Variants in CREB5 observed in about 807,000 individuals in gnomAD.
CREB5 encodes cyclic AMP-responsive element-binding protein 5.
A neutral mutation model predicts 57.1 loss-of-function variants in CREB5; 19 were observed. The observed-to-expected ratio is 0.33, with a 90% CI of 0.23 to 0.49. CREB5 has a LOEUF of 0.49. CREB5 is among the 20% of genes least tolerant of loss of function. The pLI is 0.99. For missense variants in CREB5, 579 were observed against 671.6 expected (o/e 0.86, Z 1.52); for synonymous variants, 238 against 238.3 (o/e 1.00, Z 0.01).
At chr7:28,400,878 C>T (rs966244871) in intron 1 of CREB5, among the ~76,000 whole-genome samples, 1 of 152,136 alleles carries the variant, frequency 6.6e-6, no homozygotes, top group African/African-American at 2.4e-5. Context: ...AATATCAGTT[C>T]ATGTGAGATG....
intron 1 of CREB5, among the ~76,000 whole-genome samples, chr7:28,391,242 G>A (rs547759324): frequency 5.3e-5 from 8 of 152,198 alleles, no homozygotes; most frequent in Non-Finnish European, 1.0e-4. Flanking sequence ...CTTCAGACCT[G>A]TGGTAATAAT....
intron 5 of CREB5, among the ~76,000 whole-genome samples, chr7:28,704,707 T>C (rs542349836): frequency 3.5e-4 from 53 of 152,278 alleles, no homozygotes; most frequent in South Asian, 1.5e-3. Flanking sequence ...TCCTCCCGCC[T>C]CAGCCTCCCA....
At chr7:28,635,284 A>G (rs1023757520) in intron 5 of CREB5, among the ~76,000 whole-genome samples, 2 of 152,168 alleles carry the variant, frequency 1.3e-5, no homozygotes, top group African/African-American at 4.8e-5. Flanking sequence ...CATTTGGCTG[A>G]TAGGTTTTCA....
intron 5 of CREB5, among the ~76,000 whole-genome samples, chr7:28,690,660 T>C (rs1205617245): frequency 6.6e-6 from 1 of 151,914 alleles, no homozygotes; most frequent in Non-Finnish European, 1.5e-5. Flanking sequence ...GGAGATAAGG[T>C]TTTAAGGCCC....
At chr7:28,784,495 T>C (rs75317469) in intron 7 of CREB5, among the ~76,000 whole-genome samples, 4 of 103,932 alleles carry the variant, frequency 3.8e-5, no homozygotes, top group Admixed American at 8.6e-5. Context: ...AGCTATAGGA[T>C]TTTTTTTTCC....
intron 1 of CREB5, among the ~76,000 whole-genome samples, chr7:28,430,170 CATGT>C (rs1385624870): frequency 6.6e-6 from 1 of 152,214 alleles, no homozygotes; most frequent in Non-Finnish European, 1.5e-5. Context: ...ACACATTACA[CATGT>C]ATGTACAGAC....
intron 5 of CREB5, among the ~76,000 whole-genome samples, chr7:28,696,982 T>C (rs902798225): frequency 2.0e-5 from 3 of 151,992 alleles, no homozygotes; most frequent in African/African-American, 7.2e-5. Context: ...TATTTGTGTG[T>C]ATATATACCC....
chr7:28,706,398 G>A (rs971140854), intron 5 of CREB5, among the ~76,000 whole-genome samples: 1 of 152,100 alleles, frequency 6.6e-6, no homozygotes, highest in Admixed American at 6.5e-5. Context: ...CCTTTAGGAT[G>A]TAGGTATCTG....
chr7:28,579,774 T>C (rs1243280896), intron 5 of CREB5, among the ~76,000 whole-genome samples: 1 of 152,208 alleles, frequency 6.6e-6, no homozygotes, highest in Non-Finnish European at 1.5e-5. Context: ...ATAATCATAA[T>C]GATAACTGGA....
At chr7:28,378,000 T>C (rs927654442) in intron 1 of CREB5, among the ~76,000 whole-genome samples, 6 of 151,714 alleles carry the variant, frequency 4.0e-5, no homozygotes, top group African/African-American at 1.5e-4. Context: ...TTAGGGCTAT[T>C]ATCTCTCTTG....
chr7:28,716,158 T>C (rs1235973503), intron 5 of CREB5, among the ~76,000 whole-genome samples: 3 of 152,190 alleles, frequency 2.0e-5, no homozygotes, highest in Non-Finnish European at 4.4e-5. Context: ...ATTTTTATTT[T>C]TTAGTAGGCA....
At chr7:28,560,835 T>TGCGTGTGCGTGCGCGCGTGCATGCGC (rs1450019513) in intron 4 of CREB5, among the ~76,000 whole-genome samples, 1 of 59,746 alleles carries the variant, frequency 1.7e-5, no homozygotes, top group African/African-American at 4.7e-5. Context: ...CGCGCGCGCG[T>TGCGTGTGCGTGCGCGCGTGCATGCGC]GTGTGTGTGC....
intron 4 of CREB5, among the ~76,000 whole-genome samples, chr7:28,546,348 A>G (rs1794423913): frequency 6.6e-6 from 1 of 152,224 alleles, no homozygotes; most frequent in Non-Finnish European, 1.5e-5. Context: ...TGCTGATAGG[A>G]ACATCTGTGT....
At chr7:28,796,932 T>A (rs1474198054) in intron 7 of CREB5, among the ~76,000 whole-genome samples, 1 of 152,144 alleles carries the variant, frequency 6.6e-6, no homozygotes, top group Non-Finnish European at 1.5e-5. Context: ...TCTCTTAAAA[T>A]GCTCACCCTC....
intron 7 of CREB5, among the ~76,000 whole-genome samples, chr7:28,733,940 G>A (rs11771819): frequency 1.3e-5 from 2 of 152,014 alleles, no homozygotes; most frequent in Admixed American, 1.3e-4. Flanking sequence ...CCATTTAATC[G>A]TAATGATAGA....
intron 5 of CREB5, among the ~76,000 whole-genome samples, chr7:28,606,716 A>G (rs546216586): frequency 4.4e-4 from 67 of 152,318 alleles, no homozygotes; most frequent in African/African-American, 1.6e-3. Flanking sequence ...AGAAACAGAT[A>G]TAAGTTTATC....
chr7:28,516,230 A>T (rs543957687), intron 4 of CREB5, among the ~76,000 whole-genome samples: 6 of 152,256 alleles, frequency 3.9e-5, no homozygotes, highest in African/African-American at 1.4e-4. Context: ...AAAAAAAGTA[A>T]AGAAAACAAT....
chr7:28,521,865 C>T (rs1793221184), intron 4 of CREB5, among the ~76,000 whole-genome samples: 1 of 152,152 alleles, frequency 6.6e-6, no homozygotes, highest in Non-Finnish European at 1.5e-5. Context: ...GTTAATATGA[C>T]TTCTAGTCTT....
chr7:28,457,096 G>A (rs1790126796), intron 1 of CREB5, among the ~76,000 whole-genome samples: 1 of 152,110 alleles, frequency 6.6e-6, no homozygotes, highest in Non-Finnish European at 1.5e-5. Context: ...GAGAAAATGG[G>A]GCTGAATGTA....
Sources: allele counts gnomAD v4.1 joint callset (sites outside exome capture counted in the v4.1 genomes callset), GRCh38; gene constraint gnomAD v4.1.1; transcripts MANE v1.5; gene names NCBI Gene and HGNC (gene_info 2026-07-23, HGNC 2026-07-21).